RBFOX1: variants seen among roughly 807,000 people sequenced by gnomAD.
RBFOX1 encodes the protein RNA binding fox-1 homolog 1, also known as RNA binding protein fox-1 homolog 1.
A neutral mutation model predicts 57.7 loss-of-function variants in RBFOX1; 8 were observed. The observed-to-expected ratio is 0.14, with a 90% CI of 0.08 to 0.25. RBFOX1 has a LOEUF of 0.25. Among genes scored for constraint, RBFOX1 ranks in the 10% least tolerant of loss-of-function variants. The pLI is 1.00. For synonymous variants in RBFOX1, 326 were observed against 222.4 expected (o/e 1.47, Z -4.15); for missense variants, 611 against 548.5 (o/e 1.11, Z -1.14).
chr16:5,278,644 C>G (rs1217057173), intron 1 of RBFOX1, among the ~76,000 whole-genome samples: 1 of 152,128 alleles, frequency 6.6e-6, no homozygotes, highest in Non-Finnish European at 1.5e-5. Flanking sequence ...GTTGCTTGTA[C>G]TTTTTAAGTG....
Position 6,186,784 on chromosome 16 carries a change from T to C in RBFOX1, c.-126-130211T>C, listed in dbSNP as rs193206477. 2.0e-5 allele frequency among the ~76,000 whole-genome samples: 3 copies of C among 151,146 alleles called. No individual in the cohort carries two copies. In the East Asian group the frequency reaches 5.9e-4, roughly 30 times the overall value. ...TGGCAACATTGGTGCCAATGGGGAG[T>C]GAAAAGGAGATGGAAGAAGAGGTCA... is the stretch of plus-strand genomic sequence containing the variant. On this transcript the variant is annotated intron_variant, in intron 1 of 15. Coordinates refer to ENST00000550418, the MANE Select transcript of RBFOX1 (RefSeq NM_018723.4).
At chr16:6,639,137 A>G (rs995756188) in intron 2 of RBFOX1, among the ~76,000 whole-genome samples, 1 of 152,236 alleles carries the variant, frequency 6.6e-6, no homozygotes, top group Non-Finnish European at 1.5e-5. Flanking sequence ...AATAGGATGC[A>G]TAAGAATGAT....
chr16:5,725,657 A>T (rs962901801), intron 3 of RBFOX1, among the ~76,000 whole-genome samples: 2 of 151,536 alleles, frequency 1.3e-5, no homozygotes, highest in Non-Finnish European at 2.9e-5. Flanking sequence ...TTTTCCATAT[A>T]AGGAGAATCA....
chr16:6,571,462 C>G (rs1334293814), intron 2 of RBFOX1, among the ~76,000 whole-genome samples: 1 of 152,106 alleles, frequency 6.6e-6, no homozygotes, highest in African/African-American at 2.4e-5. Context: ...GTTGTGTATG[C>G]TTCATATAGA....
At chr16:6,775,986 A>T (rs2079265054) in intron 3 of RBFOX1, 2 of 152,218 alleles carry the variant, frequency 1.3e-5, no homozygotes, top group African/African-American at 4.8e-5. Context: ...TCCAAGTCTG[A>T]TCACAGCCAC....
At chr16:6,864,547 CTTTTT>C (rs556959548) in intron 3 of RBFOX1, among the ~76,000 whole-genome samples, 1 of 139,520 alleles carries the variant, frequency 7.2e-6, no homozygotes. Context: ...TCTCCTTCCT[CTTTTT>C]TTTTTTTTTT....
At chr16:7,421,401 T>A (rs1356895977) in intron 4 of RBFOX1, among the ~76,000 whole-genome samples, 1 of 152,228 alleles carries the variant, frequency 6.6e-6, no homozygotes, top group Non-Finnish European at 1.5e-5. Flanking sequence ...CATCTAGGAC[T>A]GTTTATATTC....
intron 4 of RBFOX1, among the ~76,000 whole-genome samples, chr16:5,933,818 T>C (rs1567163758): frequency 1.3e-5 from 2 of 151,886 alleles, no homozygotes; most frequent in African/African-American, 4.8e-5. Flanking sequence ...TTTAGGCTTG[T>C]GGGTACGTGT....
intron 4 of RBFOX1, among the ~76,000 whole-genome samples, chr16:7,355,770 G>T (rs1213746041): frequency 6.6e-6 from 1 of 152,184 alleles, no homozygotes; most frequent in Non-Finnish European, 1.5e-5. Flanking sequence ...TTGCATCTGT[G>T]CTCAAACTGG....
chr16:7,345,195 T>G (rs2145564337), intron 4 of RBFOX1, among the ~76,000 whole-genome samples: 1 of 152,308 alleles, frequency 6.6e-6, no homozygotes, highest in East Asian at 1.9e-4. Context: ...GTCAAACATG[T>G]CAGTTACTCC....
At chr16:5,375,244 TCTAAAATCAA>T in intron 1 of RBFOX1, among the ~76,000 whole-genome samples, 1 of 152,286 alleles carries the variant, frequency 6.6e-6, no homozygotes, top group East Asian at 1.9e-4. Context: ...TGTGATAATT[TCTAAAATCAA>T]TTGACCATGG....
intron 2 of RBFOX1, among the ~76,000 whole-genome samples, chr16:5,574,743 T>A (rs1428744446): frequency 2.0e-5 from 3 of 152,156 alleles, no homozygotes; most frequent in African/African-American, 7.2e-5. Context: ...CCTCCCTGTT[T>A]TAGTCTGTGC....
chr16:5,845,052 C>T (rs1463539502), intron 3 of RBFOX1, among the ~76,000 whole-genome samples: 2 of 139,666 alleles, frequency 1.4e-5, no homozygotes, highest in Non-Finnish European at 3.0e-5. Flanking sequence ...AAGCTAATTA[C>T]CCGAGATTCT....
intron 3 of RBFOX1, among the ~76,000 whole-genome samples, chr16:6,862,062 A>G (rs2059121192): frequency 6.6e-6 from 1 of 152,150 alleles, no homozygotes; most frequent in African/African-American, 2.4e-5. Context: ...AAATCACAGC[A>G]AAACTGATTT....
intron 1 of RBFOX1, among the ~76,000 whole-genome samples, chr16:5,255,211 C>G (rs1427380906): frequency 6.6e-6 from 1 of 152,154 alleles, no homozygotes; most frequent in Non-Finnish European, 1.5e-5. Flanking sequence ...CCCTTGCCCA[C>G]CCACCTGCAG....
intron 4 of RBFOX1, among the ~76,000 whole-genome samples, chr16:7,298,117 A>C (rs949080875): frequency 3.9e-5 from 6 of 152,112 alleles, no homozygotes; most frequent in African/African-American, 1.4e-4. Context: ...AGACACTCAG[A>C]TGCCCCGCAT....
chr16:6,418,708 T>TA (rs1054763958), intron 2 of RBFOX1, among the ~76,000 whole-genome samples: 1 of 151,888 alleles, frequency 6.6e-6, no homozygotes, highest in Admixed American at 6.6e-5. Flanking sequence ...GTAAAATTTT[T>TA]ATAGAGATGG....
At chr16:5,788,439 G>A (rs2054583495) in intron 3 of RBFOX1, among the ~76,000 whole-genome samples, 1 of 152,048 alleles carries the variant, frequency 6.6e-6, no homozygotes, top group African/African-American at 2.4e-5. Context: ...GATCAGCCTG[G>A]CCAATGTGGT....
intron 3 of RBFOX1, among the ~76,000 whole-genome samples, chr16:5,669,066 A>G (rs2151411658): frequency 6.6e-6 from 1 of 152,284 alleles, no homozygotes; most frequent in Middle Eastern, 3.4e-3. Context: ...GCACTTGGAT[A>G]GCACCCCAAC....
Sources: gnomAD v4.1 joint callset for allele counts (sites outside exome capture counted in the v4.1 genomes callset) on GRCh38, gnomAD v4.1.1 for gene constraint, MANE v1.5 for transcripts, NCBI Gene and HGNC (gene_info 2026-07-23, HGNC 2026-07-21) for gene names.